Variants in ASIC2 observed in about 807,000 individuals in gnomAD.
ASIC2 encodes acid-sensing ion channel 2.
Under a neutral mutation model 57.3 loss-of-function variants are expected in ASIC2, and 25 were observed. The observed-to-expected ratio is 0.44, with a 90% CI of 0.32 to 0.61. The LOEUF is 0.61. ASIC2 is among the 20% of genes least tolerant of loss of function. ASIC2 has a pLI of 0.06. For missense variants in ASIC2, 641 were observed against 738.1 expected (o/e 0.87, Z 1.52); for synonymous variants, 319 against 307.5 (o/e 1.04, Z -0.39).
chr17:34,047,625 CA>C (rs1908390405), intron 1 of ASIC2, among the ~76,000 whole-genome samples: 1 of 151,064 alleles, frequency 6.6e-6, no homozygotes. Flanking sequence ...GTTCTTTCCA[CA>C]AAGTGTTGGA....
At chr17:33,190,565 A>T (rs12604015) in intron 1 of ASIC2, among the ~76,000 whole-genome samples, 1 of 151,998 alleles carries the variant, frequency 6.6e-6, no homozygotes, top group Non-Finnish European at 1.5e-5. Context: ...GAAATGTGAA[A>T]GACCTAGAAT....
intron 1 of ASIC2, among the ~76,000 whole-genome samples, chr17:33,936,986 A>G (rs1916079739): frequency 6.6e-6 from 1 of 152,180 alleles, no homozygotes; most frequent in Non-Finnish European, 1.5e-5. Flanking sequence ...ACCAAGCCCA[A>G]GCGGAGAGAG....
At chr17:33,668,651 T>A (rs532989174) in intron 1 of ASIC2, among the ~76,000 whole-genome samples, 1 of 152,210 alleles carries the variant, frequency 6.6e-6, no homozygotes, top group Non-Finnish European at 1.5e-5. Flanking sequence ...GGTCACATAT[T>A]GACAGGTTCC....
intron 1 of ASIC2, among the ~76,000 whole-genome samples, chr17:33,992,417 A>C (rs564982210): frequency 6.6e-6 from 1 of 152,290 alleles, no homozygotes; most frequent in South Asian, 2.1e-4. Context: ...TCATTCATCG[A>C]AACTCAGCTT....
At chr17:33,101,030 C>T (rs139184996) in intron 2 of ASIC2, among the ~76,000 whole-genome samples, 1 of 152,322 alleles carries the variant, frequency 6.6e-6, no homozygotes, top group African/African-American at 2.4e-5. Context: ...TGTGGAGTCC[C>T]TGTGTCCAGC....
chr17:33,795,086 T>C (rs1456237711), intron 1 of ASIC2, among the ~76,000 whole-genome samples: 4 of 152,226 alleles, frequency 2.6e-5, no homozygotes, highest in African/African-American at 4.8e-5. Context: ...AAGCTGGAGA[T>C]TGTAGGAGCT....
chr17:33,398,960 C>T (rs1354165878), intron 1 of ASIC2, among the ~76,000 whole-genome samples: 1 of 152,146 alleles, frequency 6.6e-6, no homozygotes, highest in Non-Finnish European at 1.5e-5. Flanking sequence ...TAGACTGGGA[C>T]ATATCATCAC....
chr17:33,916,334 T>C (rs1273731747), intron 1 of ASIC2, among the ~76,000 whole-genome samples: 1 of 152,110 alleles, frequency 6.6e-6, no homozygotes, highest in East Asian at 1.9e-4. Flanking sequence ...GGCTACTAAG[T>C]ACCGGTAGGT....
chr17:33,375,683 G>A (rs983916745), intron 1 of ASIC2, among the ~76,000 whole-genome samples: 3 of 152,292 alleles, frequency 2.0e-5, no homozygotes, highest in African/African-American at 7.2e-5. Flanking sequence ...GGTCACAGTG[G>A]CCTGAACCCT....
intron 1 of ASIC2, among the ~76,000 whole-genome samples, chr17:33,443,092 T>C (rs970716106): frequency 1.3e-5 from 2 of 152,274 alleles, no homozygotes; most frequent in Non-Finnish European, 2.9e-5. Context: ...ACCAATCTTG[T>C]ATTGCTGGAG....
rs576266952 is a variant in ASIC2, at chr17:33,202,666, T to C, written c.708+88742A>G. On this transcript the variant is annotated intron_variant, in intron 1 of 9. Coordinates refer to ENST00000225823, the MANE Select transcript of ASIC2 (RefSeq NM_183377.2). ...CTTATAGATATATTTAAAAACTAGA[T>C]AAGAGTTGCTATGGAGAGCGAACGT... Among the ~76,000 whole-genome samples, 6 of 152,328 alleles carry C rather than the reference T, an allele frequency of 3.9e-5. No homozygotes were observed. In the East Asian group the frequency reaches 1.2e-3, roughly 29 times the overall value.
chr17:33,034,702 G>A (rs2091901743), intron 3 of ASIC2, among the ~76,000 whole-genome samples: 1 of 151,862 alleles, frequency 6.6e-6, no homozygotes, highest in East Asian at 1.9e-4. Flanking sequence ...TCTTTTTATT[G>A]TTCCCTGCAG....
rs554885000 is a variant in ASIC2, at chr17:33,696,350, C to T, written c.555+459628G>A. On this transcript the variant is annotated intron_variant, in intron 1 of 9. Transcript: ENST00000359872. ...CTGTCACAACAGTGCTGGAGGCTCT[C>T]TTTTCAGAGGCAGCAGTTTAGGACC... Among the ~76,000 whole-genome samples the T allele has an allele frequency of 2.6e-5, 4 of 152,320 alleles. No individual in the cohort carries two copies. The East Asian group carries it at 7.7e-4, about 29-fold the overall frequency.
chr17:33,168,350 T>C (rs1905383954), intron 1 of ASIC2, among the ~76,000 whole-genome samples: 1 of 152,108 alleles, frequency 6.6e-6, no homozygotes, highest in Admixed American at 6.5e-5. Flanking sequence ...GCTGAAATAA[T>C]TTGGAAAAGC....
At chr17:33,103,569 C>T (rs2092223277) in intron 2 of ASIC2, among the ~76,000 whole-genome samples, 1 of 152,238 alleles carries the variant, frequency 6.6e-6, no homozygotes, top group East Asian at 1.9e-4. Flanking sequence ...TAAAGGCTTC[C>T]TTGTGTTGAG....
At chr17:33,408,188 T>G (rs577316355) in intron 1 of ASIC2, among the ~76,000 whole-genome samples, 2 of 152,360 alleles carry the variant, frequency 1.3e-5, no homozygotes, top group South Asian at 4.1e-4. Context: ...CTGAATTATC[T>G]GTAAAAAAGA....
chr17:33,247,266 T>C (rs1306475637), intron 1 of ASIC2, among the ~76,000 whole-genome samples: 4 of 152,142 alleles, frequency 2.6e-5, no homozygotes, highest in Non-Finnish European at 1.5e-5. Flanking sequence ...AAAGGCAGGA[T>C]TTTAAAATCC....
chr17:33,784,830 C>A (rs978517061), intron 1 of ASIC2, among the ~76,000 whole-genome samples: 1 of 152,178 alleles, frequency 6.6e-6, no homozygotes, highest in African/African-American at 2.4e-5. Context: ...GTCAGACATG[C>A]AGCCCAGACA....
At chr17:33,435,871 C>G (rs182551356) in intron 1 of ASIC2, among the ~76,000 whole-genome samples, 1 of 152,310 alleles carries the variant, frequency 6.6e-6, no homozygotes, top group Admixed American at 6.5e-5. Flanking sequence ...GATCAGACCT[C>G]TAGACCCAGC....
Sources: gnomAD v4.1 joint callset for allele counts (sites outside exome capture counted in the v4.1 genomes callset) on GRCh38, gnomAD v4.1.1 for gene constraint, MANE v1.5 for transcripts, NCBI Gene and HGNC (gene_info 2026-07-23, HGNC 2026-07-21) for gene names.